TMEFF2: variants seen among roughly 807,000 people sequenced by gnomAD.
TMEFF2 encodes transmembrane protein with EGF like and two follistatin like domains 2.
Under a neutral mutation model 53.8 loss-of-function variants are expected in TMEFF2, and 28 were observed. The ratio of observed to expected loss-of-function variants is 0.52; its 90% CI spans 0.39 to 0.71. TMEFF2 has a LOEUF of 0.71. Among genes scored for constraint, TMEFF2 ranks in the 30% least tolerant of loss-of-function variants. TMEFF2 has a pLI of 0.00. For missense variants in TMEFF2, 353 were observed against 455.2 expected, an observed-to-expected ratio of 0.78 and a Z score of 2.04; for synonymous variants, 162 against 166.3, an observed-to-expected ratio of 0.97 and a Z score of 0.20.
At chr2:192,013,432 T>C (rs772234393) in intron 5 of TMEFF2, among the ~76,000 whole-genome samples, 5 of 151,736 alleles carry the variant, frequency 3.3e-5, no homozygotes, top group Non-Finnish European at 5.9e-5. Flanking sequence ...CTATTTCCTC[T>C]CTGAATCATG....
In TMEFF2 at chr2:192,142,412, T is replaced by C. The variant is rs1218254545; in HGVS notation, c.439+37256A>G. On this transcript the variant is annotated intron_variant, in intron 4 of 9. Transcript: ENST00000272771. ...AACCCATGAAGGAGTACATATACAT[T>C]AATCTTTATAAAAAAGTTACACAAA... Among the ~76,000 whole-genome samples the C allele has an allele frequency of 2.6e-5, 4 of 152,160 alleles. No individual in the cohort carries two copies. In the East Asian group the frequency reaches 5.8e-4, roughly 22 times the overall value.
chr2:192,031,000 G>A (rs1047074243), intron 5 of TMEFF2, among the ~76,000 whole-genome samples: 1 of 152,134 alleles, frequency 6.6e-6, no homozygotes, highest in African/African-American at 2.4e-5. Context: ...CATGTGGTTG[G>A]TGCTTACATA....
At chr2:192,127,596 G>A (rs1413552445) in intron 4 of TMEFF2, among the ~76,000 whole-genome samples, 2 of 152,148 alleles carry the variant, frequency 1.3e-5, no homozygotes, top group African/African-American at 2.4e-5. Flanking sequence ...TGGGGCTAAC[G>A]TTGAAAAATT....
chr2:192,152,849 A>T (rs2106002419), intron 4 of TMEFF2, among the ~76,000 whole-genome samples: 1 of 152,026 alleles, frequency 6.6e-6, no homozygotes, highest in East Asian at 1.9e-4. Flanking sequence ...AACTATTATA[A>T]TAACCAAAGA....
chr2:192,099,911 A>G (rs1185952339), intron 4 of TMEFF2, among the ~76,000 whole-genome samples: 1 of 151,934 alleles, frequency 6.6e-6, no homozygotes, highest in Non-Finnish European at 1.5e-5. Context: ...CTGTTTTTAT[A>G]TGTATTACTC....
intron 4 of TMEFF2, among the ~76,000 whole-genome samples, chr2:192,152,775 T>C (rs1294025162): frequency 6.6e-6 from 1 of 151,918 alleles, no homozygotes; most frequent in East Asian, 1.9e-4. Flanking sequence ...ACAAAAGAAC[T>C]ATGTTGGAAT....
chr2:192,020,385 T>C (rs761384991), intron 5 of TMEFF2, among the ~76,000 whole-genome samples: 7 of 152,116 alleles, frequency 4.6e-5, no homozygotes, highest in Non-Finnish European at 1.0e-4. Flanking sequence ...TTCATGAACA[T>C]TTTCACCAAA....
intron 7 of TMEFF2, among the ~76,000 whole-genome samples, chr2:191,989,397 C>T (rs1040239075): frequency 6.6e-6 from 1 of 152,110 alleles, no homozygotes; most frequent in African/African-American, 2.4e-5. Context: ...CTTATTTATC[C>T]TAATTTGAGG....
chr2:192,002,795 A>G (rs779061127), intron 5 of TMEFF2, among the ~76,000 whole-genome samples: 6 of 152,056 alleles, frequency 3.9e-5, no homozygotes, highest in Non-Finnish European at 7.4e-5. Flanking sequence ...CCACCACTAC[A>G]CTCCAGCCTG....
At chr2:191,994,714 T>G (rs1686182500) in intron 7 of TMEFF2, among the ~76,000 whole-genome samples, 1 of 151,934 alleles carries the variant, frequency 6.6e-6, no homozygotes, top group Non-Finnish European at 1.5e-5. Flanking sequence ...AGCCCTAGCT[T>G]TGTGTGTTTG....
chr2:192,048,488 A>G (rs1490941770), intron 5 of TMEFF2, among the ~76,000 whole-genome samples: 3 of 151,794 alleles, frequency 2.0e-5, no homozygotes, highest in Non-Finnish European at 4.4e-5. Flanking sequence ...TTAAATCACT[A>G]TGATGGAATG....
chr2:192,139,399 G>C (rs951726760), intron 4 of TMEFF2, among the ~76,000 whole-genome samples: 1 of 152,146 alleles, frequency 6.6e-6, no homozygotes, highest in Non-Finnish European at 1.5e-5. Context: ...GCACCATCAA[G>C]AGGTAATTGA....
In TMEFF2 at chr2:191,998,302, AGTAGTT is replaced by A. The variant is rs773914296; in HGVS notation, c.699_704del (p.Thr234_Thr235del). 22 of 1,599,648 alleles carry A rather than the reference AGTAGTT, an allele frequency of 1.4e-5. No individual in the cohort carries two copies. The Admixed American group carries it at 3.4e-4, about 25-fold the overall frequency. ...TTGCATAATGCCCATCTTCAGACTT[AGTAGTT>A]GTAGTTGTGTTATCTGTGTTAAAAA... On this transcript the variant is annotated inframe_deletion, in exon 7 of 10. Coordinates refer to ENST00000272771, the MANE Select transcript of TMEFF2 (RefSeq NM_016192.4).
intron 4 of TMEFF2, among the ~76,000 whole-genome samples, chr2:192,096,742 T>A (rs1688919733): frequency 7.5e-6 from 1 of 132,700 alleles, no homozygotes; most frequent in South Asian, 2.8e-4. Context: ...AGTGGTACAA[T>A]CTCAGCTCAC....
chr2:192,147,402 A>T (rs1690278868), intron 4 of TMEFF2, among the ~76,000 whole-genome samples: 1 of 151,928 alleles, frequency 6.6e-6, no homozygotes, highest in Non-Finnish European at 1.5e-5. Flanking sequence ...ACATATGTAT[A>T]CATGTGCCAT....
intron 5 of TMEFF2, among the ~76,000 whole-genome samples, chr2:192,018,983 C>T (rs116779419): frequency 0.013 from 2,004 of 151,812 alleles, 38 homozygotes; most frequent in African/African-American, 0.046. Flanking sequence ...CTCAATTACA[C>T]ACATTCAGAC....
rs193011139 is a variant in TMEFF2, at chr2:192,110,215, C to T, written c.440-52440G>A. 1.1e-3 allele frequency among the ~76,000 whole-genome samples: 164 copies of T among 152,248 alleles called. 5 individuals carry two copies. The South Asian group carries it at 0.023, about 22-fold the overall frequency. ...ACTAAGGGGTCAATGGAGTCACCCA[C>T]ATCTAAGTGGTCAAGTTGAGGACTA... is the stretch of plus-strand genomic sequence containing the variant. On this transcript the variant is annotated intron_variant, in intron 4 of 9. Transcript: ENST00000272771.
intron 4 of TMEFF2, among the ~76,000 whole-genome samples, chr2:192,124,645 CAG>C (rs929652382): frequency 6.6e-6 from 1 of 152,172 alleles, no homozygotes; most frequent in African/African-American, 2.4e-5. Context: ...CTCAGAGAAA[CAG>C]ACTGTACACT....
chr2:192,003,840 T>C (rs1264841729), intron 5 of TMEFF2, among the ~76,000 whole-genome samples: 1 of 150,712 alleles, frequency 6.6e-6, no homozygotes, highest in African/African-American at 2.4e-5. Context: ...GCTTCAAAAC[T>C]TTCAAAGAGG....
Sources: gnomAD v4.1 joint callset for allele counts (sites outside exome capture counted in the v4.1 genomes callset) on GRCh38, gnomAD v4.1.1 for gene constraint, MANE v1.5 for transcripts, NCBI Gene and HGNC (gene_info 2026-07-23, HGNC 2026-07-21) for gene names.